ASIC2: variants seen among roughly 807,000 people sequenced by gnomAD.
The protein encoded by ASIC2 is acid sensing ion channel subunit 2.
Under a neutral mutation model 57.3 loss-of-function variants are expected in ASIC2, and 25 were observed. The ratio of observed to expected loss-of-function variants is 0.44; its 90% CI spans 0.32 to 0.61. The LOEUF is 0.61. ASIC2 is among the 20% of genes least tolerant of loss of function. ASIC2 has a pLI of 0.06. For synonymous variants in ASIC2, 319 were observed against 307.5 expected, an observed-to-expected ratio of 1.04 and a Z score of -0.39; for missense variants, 641 against 738.1, an observed-to-expected ratio of 0.87 and a Z score of 1.52.
At chr17:34,084,617 A>G (rs1303347857) in intron 1 of ASIC2, among the ~76,000 whole-genome samples, 3 of 152,166 alleles carry the variant, frequency 2.0e-5, no homozygotes, top group Non-Finnish European at 2.9e-5. Context: ...CATTGAATCT[A>G]TAAATTACCT....
intron 1 of ASIC2, among the ~76,000 whole-genome samples, chr17:33,758,143 A>C (rs1317304387): frequency 1.3e-5 from 2 of 152,148 alleles, no homozygotes; most frequent in Non-Finnish European, 2.9e-5. Context: ...ATGTAGCAAT[A>C]ATAACCAAAA....
chr17:34,088,407 G>T lies in ASIC2; in HGVS notation c.555+67571C>A, dbSNP rs181732952. 1.8e-3 allele frequency among the ~76,000 whole-genome samples: 277 copies of T among 152,272 alleles called. 4 individuals carry two copies. The East Asian group carries it at 0.051, about 28-fold the overall frequency. On this transcript the variant is annotated intron_variant, in intron 1 of 9. Coordinates refer to the ASIC2 transcript ENST00000359872. ...GTCTGATTGTTCCTCTGGAAGTTTT[G>T]TCTCAGAGGAGTACCCGGCCGTGTG...
At chr17:34,107,591 C>T (rs944927126) in intron 1 of ASIC2, among the ~76,000 whole-genome samples, 1 of 152,136 alleles carries the variant, frequency 6.6e-6, no homozygotes, top group African/African-American at 2.4e-5. Context: ...TTGCTTCACT[C>T]AAACACTATG....
At position 33,609,324 on chromosome 17, in the gene ASIC2, C is replaced by G. The variant is rs72827218; in HGVS notation, c.556-497257G>C. Among the ~76,000 whole-genome samples, 16 of 152,284 alleles carry G rather than the reference C, an allele frequency of 1.1e-4. 1 individual carries two copies. The East Asian group carries it at 1.4e-3, about 13-fold the overall frequency. On this transcript the variant is annotated intron_variant, in intron 1 of 9. Coordinates refer to the ASIC2 transcript ENST00000359872. ...AAACCACAGAATCCCTGCCTGCTCC[C>G]GCTCCACTCCTGCAGCCTGTCTAAA... is the stretch of plus-strand genomic sequence containing the variant.
chr17:33,282,093 C>G (rs2132829), intron 1 of ASIC2, among the ~76,000 whole-genome samples: 14,308 of 152,248 alleles, frequency 0.094, 671 homozygotes, highest in African/African-American at 0.11. Flanking sequence ...AATTACCCAG[C>G]CTCGTTCACT....
chr17:33,543,604 G>A (rs1488640817), intron 1 of ASIC2, among the ~76,000 whole-genome samples: 1 of 152,230 alleles, frequency 6.6e-6, no homozygotes, highest in African/African-American at 2.4e-5. Flanking sequence ...TAATGAAACT[G>A]TCTGTGGTCC....
At chr17:33,662,977 G>A (rs776408348) in intron 1 of ASIC2, among the ~76,000 whole-genome samples, 49 of 152,164 alleles carry the variant, frequency 3.2e-4, no homozygotes, top group Non-Finnish European at 5.6e-4. Context: ...GGGAAGACCT[G>A]CCAATTGTGG....
At chr17:33,677,994 T>C (rs1907880001) in intron 1 of ASIC2, among the ~76,000 whole-genome samples, 1 of 152,194 alleles carries the variant, frequency 6.6e-6, no homozygotes, top group Non-Finnish European at 1.5e-5. Flanking sequence ...GTTAAATCCT[T>C]TGTTAAAGGA....
intron 1 of ASIC2, among the ~76,000 whole-genome samples, chr17:33,668,418 C>T (rs1164841433): frequency 6.6e-6 from 1 of 151,736 alleles, no homozygotes; most frequent in Non-Finnish European, 1.5e-5. Context: ...AGAAGCTGCC[C>T]ACATCCTGTG....
In ASIC2 at chr17:33,702,580, G is replaced by T. The variant is rs368756306; in HGVS notation, c.555+453398C>A. ...CCAAAAGGAAAAAAGGCCTTGCCCC[G>T]AGGGAGGAATTAGGGAGATCCCTAT... is the stretch of plus-strand genomic sequence containing the variant. On this transcript the variant is annotated intron_variant, in intron 1 of 9. Transcript: ENST00000359872. Among the ~76,000 whole-genome samples the T allele has an allele frequency of 1.6e-4, 25 of 152,276 alleles. No individual in the cohort carries two copies. The South Asian group carries it at 1.7e-3, about 10-fold the overall frequency.
At chr17:34,089,107 A>G (rs1428986524) in intron 1 of ASIC2, among the ~76,000 whole-genome samples, 2 of 152,220 alleles carry the variant, frequency 1.3e-5, no homozygotes, top group Non-Finnish European at 2.9e-5. Context: ...ATGGAAATGC[A>G]GAAATCACCT....
chr17:33,703,654 A>G (rs1908777067), intron 1 of ASIC2, among the ~76,000 whole-genome samples: 1 of 152,160 alleles, frequency 6.6e-6, no homozygotes, highest in Non-Finnish European at 1.5e-5. Flanking sequence ...TGCCCAGCAT[A>G]TGTTATATAA....
chr17:33,575,887 T>C (rs1406372925), intron 1 of ASIC2, among the ~76,000 whole-genome samples: 2 of 152,150 alleles, frequency 1.3e-5, no homozygotes, highest in Non-Finnish European at 2.9e-5. Flanking sequence ...CCACAGCTAA[T>C]GGCTCTGCAG....
intron 1 of ASIC2, among the ~76,000 whole-genome samples, chr17:34,107,420 G>A (rs1327724349): frequency 6.6e-6 from 1 of 152,168 alleles, no homozygotes; most frequent in Non-Finnish European, 1.5e-5. Context: ...GAGGGAAGAA[G>A]ATCACCTAAG....
At chr17:33,788,290 C>T (rs147194015) in intron 1 of ASIC2, among the ~76,000 whole-genome samples, 2 of 151,922 alleles carry the variant, frequency 1.3e-5, no homozygotes, top group Non-Finnish European at 2.9e-5. Context: ...ACATGGCCAA[C>T]AAACATGAAA....
chr17:33,112,571 C>T (rs2092264038), intron 1 of ASIC2, among the ~76,000 whole-genome samples: 1 of 152,128 alleles, frequency 6.6e-6, no homozygotes, highest in African/African-American at 2.4e-5. Context: ...CACTTCTGTC[C>T]CAGGGAACAG....
At chr17:33,433,512 T>C (rs1911491327) in intron 1 of ASIC2, among the ~76,000 whole-genome samples, 1 of 152,154 alleles carries the variant, frequency 6.6e-6, no homozygotes, top group African/African-American at 2.4e-5. Flanking sequence ...TCCCAGCACT[T>C]TGGGAGGCCA....
intron 1 of ASIC2, among the ~76,000 whole-genome samples, chr17:33,715,456 A>G (rs187341846): frequency 3.9e-4 from 59 of 152,322 alleles, no homozygotes; most frequent in African/African-American, 1.4e-3. Flanking sequence ...TGAGACAAGC[A>G]CAAAGAGGAT....
intron 1 of ASIC2, among the ~76,000 whole-genome samples, chr17:33,369,517 A>T (rs889998148): frequency 1.3e-5 from 2 of 152,226 alleles, no homozygotes; most frequent in Admixed American, 1.3e-4. Context: ...TGCCATGAGG[A>T]TAACATAGCA....
Sources: gnomAD v4.1 joint callset for allele counts (sites outside exome capture counted in the v4.1 genomes callset) on GRCh38, gnomAD v4.1.1 for gene constraint, MANE v1.5 for transcripts, NCBI Gene and HGNC (gene_info 2026-07-23, HGNC 2026-07-21) for gene names.